UBE3C: variants seen among roughly 807,000 people sequenced by gnomAD.
The protein encoded by UBE3C is ubiquitin-protein ligase E3C.
A neutral mutation model predicts 129.4 loss-of-function variants in UBE3C; 42 were observed. The observed-to-expected ratio is 0.32, with a 90% CI of 0.25 to 0.42. The LOEUF is 0.42. UBE3C is among the 10% of genes least tolerant of loss of function. The pLI is 1.00. For missense variants in UBE3C, 1,049 were observed against 1,319.1 expected (o/e 0.80, Z 3.17); for synonymous variants, 510 against 492.4 (o/e 1.04, Z -0.47).
intron 10 of UBE3C, among the ~76,000 whole-genome samples, chr7:157,199,346 T>C (rs1209249988): frequency 6.6e-6 from 1 of 152,182 alleles, no homozygotes; most frequent in East Asian, 1.9e-4. Context: ...GTTAACACTC[T>C]TATCAGGCAT....
chr7:157,197,526 A>G, intron 10 of UBE3C: 3 of 821,168 alleles, frequency 3.7e-6, no homozygotes, highest in Non-Finnish European at 5.2e-6. Flanking sequence ...TTTTTTTTTA[A>G]TGCTGGAGGT....
chr7:157,206,209 A>G (rs149269958), intron 11 of UBE3C, among the ~76,000 whole-genome samples: 10 of 152,344 alleles, frequency 6.6e-5, no homozygotes, highest in African/African-American at 2.4e-4. Flanking sequence ...AACGAGAGAA[A>G]AGGAAGAAGT....
chr7:157,244,921 G>A (rs532981957), intron 18 of UBE3C, among the ~76,000 whole-genome samples: 180 of 152,286 alleles, frequency 1.2e-3, no homozygotes, highest in African/African-American at 3.9e-3. Context: ...AGCTGGCTGA[G>A]AAGGCCAGTG....
intron 10 of UBE3C, 63 bp from the exon 11 acceptor site, chr7:157,201,658 T>TTTTTAA: frequency 3.5e-6 from 2 of 566,734 alleles, no homozygotes; most frequent in East Asian, 4.2e-5. Context: ...TTTTTTTTTT[T>TTTTTAA]AAGAAATGTT....
At chr7:157,225,350 G>C in intron 16 of UBE3C, 57 bp from the exon 17 acceptor site, 1 of 1,544,936 alleles carries the variant, frequency 6.5e-7, no homozygotes, top group South Asian at 1.3e-5. Flanking sequence ...TTATTCTTTG[G>C]TAGGTTGTAA....
In UBE3C at chr7:157,174,986, G is replaced by C; in HGVS notation, c.410G>C (p.Arg137Thr). 6.2e-7 allele frequency: 1 copy of C among 1,612,928 alleles called. No homozygotes were observed. The highest frequency in any genetic ancestry group is 8.5e-7 in the Non-Finnish European group (1 of 1,179,572). ...GTCAAGCAGTTGGATGGATCTGAGA[G>C]ACTTACATGCTTATTTCAGATAAAA... ...LFVKQLDGSERLTCLFQIKRL... is the reference protein window; with the variant it reads ...LFVKQLDGSETLTCLFQIKRL... The change falls in exon 5 of 23, where the codon AGA becomes ACA. Residue 137 changes from arginine to threonine, a missense_variant. This residue lies in a region of UBE3C where 489 missense variants were observed against 513.8 expected (regional missense o/e 0.95). Coordinates refer to ENST00000348165, the MANE Select transcript of UBE3C (RefSeq NM_014671.3).
intron 10 of UBE3C, among the ~76,000 whole-genome samples, chr7:157,188,605 C>T (rs1808871454): frequency 6.6e-6 from 1 of 152,214 alleles, no homozygotes; most frequent in South Asian, 2.1e-4. Context: ...CTGAGGTTTA[C>T]TAGAGAACCG....
chr7:157,185,263 C>T (rs975678456), intron 9 of UBE3C, among the ~76,000 whole-genome samples: 9 of 152,214 alleles, frequency 5.9e-5, no homozygotes, highest in Non-Finnish European at 8.8e-5. Context: ...ACCCGTGAAC[C>T]GGGAAATCAC....
At chr7:157,216,794 G>A (rs1795589936) in intron 13 of UBE3C, 73 bp from the exon 14 acceptor site, 2 of 1,218,412 alleles carry the variant, frequency 1.6e-6, no homozygotes, top group Non-Finnish European at 2.4e-6. Context: ...TCCTCCTCGA[G>A]TGAATGTATG....
intron 22 of UBE3C, among the ~76,000 whole-genome samples, chr7:157,265,768 A>C (rs1472950720): frequency 6.6e-6 from 1 of 152,206 alleles, no homozygotes; most frequent in Non-Finnish European, 1.5e-5. Flanking sequence ...GGGAGCACTT[A>C]AGACGCTGAA....
rs61030882 is a variant in UBE3C at position 157,194,089 on chromosome 7, A to G, written c.1331+7068A>G. On this transcript the variant is annotated intron_variant, in intron 10 of 22. Coordinates refer to ENST00000348165, the MANE Select transcript of UBE3C (RefSeq NM_014671.3). ...ACAGGACAATGCCCTTTGATTTACA[A>G]TGTTCAGTTCTTTTAAGAAATCATT... is the stretch of plus-strand genomic sequence containing the variant. Among the ~76,000 whole-genome samples, 694 of 152,288 alleles carry G rather than the reference A, an allele frequency of 4.6e-3. 5 individuals carry two copies. Among genetic ancestry groups the G allele is most frequent in the African/African-American group, 0.016 (658 of 41,546 alleles).
intron 18 of UBE3C, among the ~76,000 whole-genome samples, chr7:157,242,298 G>T (rs1323360651): frequency 1.3e-5 from 2 of 152,174 alleles, no homozygotes; most frequent in South Asian, 2.1e-4. Flanking sequence ...ATGAGCTGTT[G>T]TTAGGGAAAC....
intron 17 of UBE3C, among the ~76,000 whole-genome samples, chr7:157,226,642 A>G (rs956074602): frequency 3.3e-5 from 5 of 152,216 alleles, no homozygotes; most frequent in Non-Finnish European, 7.3e-5. Flanking sequence ...TATTGCTTAC[A>G]TAAAGAACTA....
chr7:157,254,025 G>A lies in UBE3C; in HGVS notation c.2766G>A (p.Leu922=), dbSNP rs1302342043. Residue 922 remains leucine, a synonymous_variant, in exon 20 of 23, where the codon TTG becomes TTA. Coordinates refer to ENST00000348165, the MANE Select transcript of UBE3C (RefSeq NM_014671.3). Reference sequence around the variant, plus strand: ...CCAACCGGATTGCGTACATCCACTTGGTGGCAGACTACAGGCTGAACAGGC... The same window carrying A: ...CCAACCGGATTGCGTACATCCACTTAGTGGCAGACTACAGGCTGAACAGGC... The part of the protein sequence containing the change: ...TSANRIAYIH[L]VADYRLNRQI... 6.8e-6 allele frequency: 11 copies of A among 1,613,368 alleles called. No individual in the cohort carries two copies. The highest frequency in any genetic ancestry group is 9.3e-6 in the Non-Finnish European group (11 of 1,179,770).
At chr7:157,157,968 A>G (rs575895653) in intron 1 of UBE3C, among the ~76,000 whole-genome samples, 1 of 109,596 alleles carries the variant, frequency 9.1e-6, no homozygotes, top group South Asian at 2.7e-4. Context: ...CAACAGATAT[A>G]TATAGATATA....
chr7:157,237,896 A>AG (rs1796194170), intron 18 of UBE3C, among the ~76,000 whole-genome samples: 1 of 73,160 alleles, frequency 1.4e-5, no homozygotes, highest in Non-Finnish European at 2.2e-5. Context: ...CTAAAAAAAA[A>AG]AAAAAAGTAG....
intron 17 of UBE3C, among the ~76,000 whole-genome samples, chr7:157,227,001 A>G (rs987674769): frequency 6.6e-6 from 1 of 152,166 alleles, no homozygotes; most frequent in African/African-American, 2.4e-5. Context: ...TAGTTCTTAC[A>G]TTGTATTTTT....
intron 8 of UBE3C, among the ~76,000 whole-genome samples, chr7:157,183,372 G>T (rs10237192): frequency 0.17 from 26,020 of 152,184 alleles, 2,475 homozygotes; most frequent in East Asian, 0.35. Flanking sequence ...AACTCGGGAA[G>T]TCGAGGTGTG....
In UBE3C at chr7:157,229,767, A is replaced by G. The variant is rs555377686; in HGVS notation, c.2234-1313A>G. 2.6e-5 allele frequency among the ~76,000 whole-genome samples: 4 copies of G among 151,558 alleles called. No homozygotes were observed. The South Asian group carries it at 6.3e-4, about 24-fold the overall frequency. ...GTAGCTGGAATTACAGGCACATACC[A>G]CCATGCCCAGCTTTTCTTATATTTT... On this transcript the variant is annotated intron_variant, in intron 17 of 22. Coordinates refer to ENST00000348165, the MANE Select transcript of UBE3C (RefSeq NM_014671.3).
Sources: gnomAD v4.1 joint callset for allele counts (sites outside exome capture counted in the v4.1 genomes callset) on GRCh38, gnomAD v4.1.1 for gene constraint, gnomAD v4.1.1 regional missense constraint, MANE v1.5 for transcripts, NCBI Gene and HGNC (gene_info 2026-07-23, HGNC 2026-07-21) for gene names.